LARGE1: variants seen among roughly 807,000 people sequenced by gnomAD.
LARGE1 encodes xylosyl- and glucuronyltransferase LARGE1.
LARGE1 carries 43 observed loss-of-function variants against 87.6 expected under a neutral mutation model. That is an observed-to-expected ratio of 0.49 (90% confidence interval 0.38 to 0.63). The LOEUF is 0.63. Ranked by LOEUF, LARGE1 falls within the 30% of genes least tolerant of loss-of-function variation. LARGE1 has a pLI of 0.00. For missense variants in LARGE1, 802 were observed against 1,000.2 expected (o/e 0.80, Z 2.67); for synonymous variants, 434 against 394.6 (o/e 1.10, Z -1.18).
intron 9 of LARGE1, among the ~76,000 whole-genome samples, chr22:33,373,195 T>C (rs1392532030): frequency 1.3e-5 from 2 of 152,308 alleles, no homozygotes; most frequent in Admixed American, 6.5e-5. Flanking sequence ...TTCCTAAAGA[T>C]TGAGCTTTGC....
At chr22:33,170,030 G>C (rs1922479287) in intron 11 of LARGE1, among the ~76,000 whole-genome samples, 1 of 152,200 alleles carries the variant, frequency 6.6e-6, no homozygotes, top group Admixed American at 6.5e-5. Context: ...CAACATGATG[G>C]TATTAGCAGG....
chr22:33,722,957 C>A lies in LARGE1; in HGVS notation c.106+38414G>T, dbSNP rs534187294. Reference sequence around the variant, plus strand: ...TTGTAAAGGGAAATTAGAGCAAGATCCTGGAATGCGGTAAGTGAGCCACTA... The same window carrying A: ...TTGTAAAGGGAAATTAGAGCAAGATACTGGAATGCGGTAAGTGAGCCACTA... On this transcript the variant is annotated intron_variant, in intron 2 of 14. Coordinates refer to ENST00000397394, the MANE Select transcript of LARGE1 (RefSeq NM_133642.5). Among the ~76,000 whole-genome samples, 8 of 152,224 alleles carry A rather than the reference C, an allele frequency of 5.3e-5. 1 individual carries two copies. The South Asian group carries it at 1.7e-3, about 32-fold the overall frequency.
At chr22:33,171,655 C>T (rs548012082) in intron 11 of LARGE1, among the ~76,000 whole-genome samples, 10 of 152,192 alleles carry the variant, frequency 6.6e-5, no homozygotes, top group East Asian at 1.9e-4. Context: ...GCAGCTTCCA[C>T]GTGGTGATAG....
At chr22:33,236,193 A>C (rs1926242633) in intron 11 of LARGE1, among the ~76,000 whole-genome samples, 1 of 152,214 alleles carries the variant, frequency 6.6e-6, no homozygotes, top group Non-Finnish European at 1.5e-5. Flanking sequence ...GAACTGTGAG[A>C]GCACAAATTT....
chr22:33,067,878 G>C, the LARGE1 span, among the ~76,000 whole-genome samples: 1 of 152,108 alleles, frequency 6.6e-6, no homozygotes, highest in Non-Finnish European at 1.5e-5. Flanking sequence ...TACTCAGGAG[G>C]CTGAGGCAGG....
At chr22:33,814,602 G>A (rs948575822) in intron 1 of LARGE1, among the ~76,000 whole-genome samples, 2 of 152,142 alleles carry the variant, frequency 1.3e-5, no homozygotes, top group African/African-American at 4.8e-5. Flanking sequence ...GAGAAATTCT[G>A]CCTCTGCCTC....
At chr22:33,455,505 C>A (rs1005511484) in intron 6 of LARGE1, among the ~76,000 whole-genome samples, 9 of 152,098 alleles carry the variant, frequency 5.9e-5, no homozygotes, top group Admixed American at 1.3e-4. Context: ...GTAATCCCAG[C>A]ACTTTGGGAG....
chr22:33,370,648 G>A (rs1436382352), intron 9 of LARGE1, among the ~76,000 whole-genome samples: 6 of 152,026 alleles, frequency 3.9e-5, no homozygotes, highest in African/African-American at 1.4e-4. Flanking sequence ...GTATGTCTAT[G>A]TGTTTAGGTG....
chr22:33,364,899 T>C (rs1213323048), intron 9 of LARGE1, among the ~76,000 whole-genome samples: 1 of 152,030 alleles, frequency 6.6e-6, no homozygotes, highest in African/African-American at 2.4e-5. Context: ...TCTTACTATG[T>C]TGCCTAGGCT....
intron 6 of LARGE1, among the ~76,000 whole-genome samples, chr22:33,482,886 G>C (rs2148216043): frequency 6.6e-6 from 1 of 152,282 alleles, no homozygotes; most frequent in East Asian, 1.9e-4. Context: ...AAGAGTTTGA[G>C]CACTTGAGGC....
intron 4 of LARGE1, among the ~76,000 whole-genome samples, chr22:33,621,213 C>T (rs2079740387): frequency 6.6e-6 from 1 of 152,022 alleles, no homozygotes; most frequent in South Asian, 2.1e-4. Context: ...AAGTATTATC[C>T]AATTTTATAA....
chr22:33,423,415 G>A (rs368582362), intron 7 of LARGE1, among the ~76,000 whole-genome samples: 4 of 151,794 alleles, frequency 2.6e-5, no homozygotes, highest in African/African-American at 7.2e-5. Context: ...GGTGGCTCAC[G>A]CCTGTAATCC....
intron 11 of LARGE1, among the ~76,000 whole-genome samples, chr22:33,169,977 A>C (rs1922475563): frequency 6.6e-6 from 1 of 152,116 alleles, no homozygotes; most frequent in Non-Finnish European, 1.5e-5. Context: ...TATGGTCCAA[A>C]TATTTGTGTC....
chr22:33,863,949 C>A (rs1472221552), intron 1 of LARGE1, among the ~76,000 whole-genome samples: 1 of 152,216 alleles, frequency 6.6e-6, no homozygotes, highest in Non-Finnish European at 1.5e-5. Context: ...CATCCCACAT[C>A]TGTTAATCTG....
At chr22:33,786,572 C>T (rs1285480590) in intron 1 of LARGE1, among the ~76,000 whole-genome samples, 1 of 152,188 alleles carries the variant, frequency 6.6e-6, no homozygotes, top group Non-Finnish European at 1.5e-5. Context: ...CTACTCCCTC[C>T]AGAGGGTCTC....
chr22:33,501,261 A>G (rs1316617483), intron 6 of LARGE1, among the ~76,000 whole-genome samples: 1 of 152,218 alleles, frequency 6.6e-6, no homozygotes, highest in Non-Finnish European at 1.5e-5. Flanking sequence ...TGTATACTTC[A>G]AAGGCAGTGA....
chr22:33,426,869 G>A (rs994769842), intron 7 of LARGE1, among the ~76,000 whole-genome samples: 5 of 152,186 alleles, frequency 3.3e-5, no homozygotes, highest in Middle Eastern at 3.2e-3. Context: ...TCTGGCTAGT[G>A]TTACACCCTT....
At chr22:33,740,547 T>C (rs9609862) in intron 2 of LARGE1, among the ~76,000 whole-genome samples, 1 of 152,230 alleles carries the variant, frequency 6.6e-6, no homozygotes, top group African/African-American at 2.4e-5. Flanking sequence ...GTCTTAATCT[T>C]AGTGTCTTTC....
At chr22:33,745,116 G>A (rs952085888) in intron 2 of LARGE1, among the ~76,000 whole-genome samples, 4 of 152,158 alleles carry the variant, frequency 2.6e-5, no homozygotes, top group African/African-American at 9.7e-5. Context: ...CAGAACAAGC[G>A]AAGAAGCCAA....
Sources: allele counts gnomAD v4.1 joint callset (sites outside exome capture counted in the v4.1 genomes callset), GRCh38; gene constraint gnomAD v4.1.1; transcripts MANE v1.5; gene names NCBI Gene and HGNC (gene_info 2026-07-23, HGNC 2026-07-21).